BORCS5: variants seen among roughly 807,000 people sequenced by gnomAD.
BORCS5 encodes the protein BLOC-1-related complex subunit 5.
A neutral mutation model predicts 22.1 loss-of-function variants in BORCS5; 17 were observed. The ratio of observed to expected loss-of-function variants is 0.77; its 90% CI spans 0.53 to 1.15. The LOEUF (loss-of-function observed/expected upper bound fraction) is 1.15, where lower values mean the gene tolerates loss of function less well. BORCS5 is among the 50% of genes most tolerant of loss of function. The pLI is 0.00. For missense variants in BORCS5, 247 were observed against 253.2 expected, an observed-to-expected ratio of 0.98 and a Z score of 0.17; for synonymous variants, 117 against 99.8, an observed-to-expected ratio of 1.17 and a Z score of -1.03.
chr12:12,386,525 C>G (rs1194823633), intron 2 of BORCS5, among the ~76,000 whole-genome samples: 2 of 148,666 alleles, frequency 1.3e-5, no homozygotes, highest in Non-Finnish European at 3.0e-5. Context: ...CTCCCAGGCT[C>G]TAGTGCAGTG....
intron 1 of BORCS5, among the ~76,000 whole-genome samples, chr12:12,360,236 C>T (rs1006602753): frequency 6.6e-6 from 1 of 152,042 alleles, no homozygotes; most frequent in Non-Finnish European, 1.5e-5. Flanking sequence ...GTGGTGCATG[C>T]CTGTTGTCCT....
In BORCS5 at chr12:12,465,561, G is replaced by A. The variant is rs1234165651; in HGVS notation, c.376G>A (p.Glu126Lys). ...KRIKEMDLSV[E>K]TLFSFMQERQ... Reference sequence around the variant, plus strand: ...CCATCCACAGATGGATCTGTCTGTAGAAACTCTGTTCAGCTTCATGCAGGA... The same window carrying A: ...CCATCCACAGATGGATCTGTCTGTAAAAACTCTGTTCAGCTTCATGCAGGA... The change falls in exon 4 of 4, where the codon GAA becomes AAA. Residue 126 changes from glutamate to lysine, a missense_variant. By Grantham distance (56) the Glu-to-Lys change is moderately conservative (BLOSUM62 1). Transcript: ENST00000314565. The A allele has an allele frequency of 1.2e-6, 2 of 1,614,096 alleles. No individual in the cohort carries two copies. Among genetic ancestry groups the A allele is most frequent in the Non-Finnish European group, 1.7e-6 (2 of 1,180,038 alleles).
intron 3 of BORCS5, among the ~76,000 whole-genome samples, chr12:12,448,605 T>C (rs1361981665): frequency 2.6e-5 from 4 of 151,198 alleles, no homozygotes; most frequent in African/African-American, 9.7e-5. Context: ...CTCGGCTAAC[T>C]GCAGCCTTTG....
chr12:12,427,172 CTTTTTTT>C (rs869191667), intron 2 of BORCS5, among the ~76,000 whole-genome samples: 24 of 84,460 alleles, frequency 2.8e-4, no homozygotes, highest in East Asian at 2.1e-3. Context: ...TCTTTCTTTT[CTTTTTTT>C]TTTTTTTTTT....
chr12:12,470,679 T>TTG lies in BORCS5; in HGVS notation c.*4904_*4905insGT. Reference sequence around the variant, plus strand: ...AATAACATTGAATTTCATGTGGGTTTTTTTTTTTTGACACACCAGGCATGT... The same window carrying TTG: ...AATAACATTGAATTTCATGTGGGTTTTGTTTTTTTTTGACACACCAGGCATGT... On this transcript the variant is annotated 3_prime_UTR_variant, in exon 4 of 4. Coordinates refer to ENST00000314565, the MANE Select transcript of BORCS5 (RefSeq NM_058169.6). 6.6e-6 allele frequency among the ~76,000 whole-genome samples: 1 copy of TTG among 151,094 alleles called. No homozygotes were observed. Among genetic ancestry groups the TTG allele is most frequent in the South Asian group, 2.1e-4 (1 of 4,766 alleles).
At chr12:12,452,561 C>A (rs1386667003) in intron 3 of BORCS5, 2 of 346,292 alleles carry the variant, frequency 5.8e-6, no homozygotes, top group South Asian at 2.3e-5. Context: ...GTGATCTTGC[C>A]GGCGATCCTT....
chr12:12,413,803 C>T (rs1473102653), intron 2 of BORCS5, among the ~76,000 whole-genome samples: 4 of 77,012 alleles, frequency 5.2e-5, no homozygotes, highest in East Asian at 2.5e-4. Context: ...GCGCCCCTCA[C>T]CTCCCGGACG....
At chr12:12,367,019 T>C (rs1863420804) in intron 2 of BORCS5, among the ~76,000 whole-genome samples, 1 of 152,156 alleles carries the variant, frequency 6.6e-6, no homozygotes, top group African/African-American at 2.4e-5. Context: ...GGGAGTTTGG[T>C]GTTTGGTTGT....
intron 2 of BORCS5, among the ~76,000 whole-genome samples, chr12:12,413,476 A>G (rs1326061193): frequency 3.3e-5 from 5 of 150,044 alleles, no homozygotes; most frequent in Non-Finnish European, 7.4e-5. Flanking sequence ...TCCCATGTCT[A>G]CCTCCATCCA....
intron 1 of BORCS5, among the ~76,000 whole-genome samples, chr12:12,358,566 A>G (rs972056756): frequency 7.2e-5 from 11 of 152,230 alleles, no homozygotes; most frequent in African/African-American, 2.2e-4. Context: ...GGGCAGAAAC[A>G]TATTTTAGGG....
intron 3 of BORCS5, among the ~76,000 whole-genome samples, chr12:12,454,695 T>A (rs1207260225): frequency 2.6e-5 from 4 of 152,212 alleles, no homozygotes; most frequent in African/African-American, 9.6e-5. Context: ...TTTACTACCA[T>A]GAAAAACAGA....
intron 2 of BORCS5, among the ~76,000 whole-genome samples, chr12:12,428,239 G>A (rs73061486): frequency 0.012 from 1,872 of 152,220 alleles, 25 homozygotes; most frequent in Middle Eastern, 0.017. Context: ...AGAAACTGTG[G>A]GTTTCCCCCC....
At chr12:12,436,119 G>A (rs907268140) in intron 3 of BORCS5, among the ~76,000 whole-genome samples, 9 of 152,162 alleles carry the variant, frequency 5.9e-5, no homozygotes, top group Admixed American at 2.0e-4. Flanking sequence ...GTAAAGTCCT[G>A]CCATACTAAT....
At chr12:12,359,204 G>C (rs112699828) in intron 1 of BORCS5, among the ~76,000 whole-genome samples, 1 of 151,966 alleles carries the variant, frequency 6.6e-6, no homozygotes, top group South Asian at 2.1e-4. Context: ...TCTGATTTTT[G>C]CCTCAGCCTA....
At chr12:12,384,192 G>A (rs528273772) in intron 2 of BORCS5, among the ~76,000 whole-genome samples, 4 of 150,756 alleles carry the variant, frequency 2.7e-5, no homozygotes, top group African/African-American at 7.3e-5. Flanking sequence ...TATGTTGCCC[G>A]GCTGGTCTCA....
intron 3 of BORCS5, among the ~76,000 whole-genome samples, chr12:12,462,518 C>T (rs1057092235): frequency 3.9e-5 from 6 of 152,052 alleles, no homozygotes; most frequent in Non-Finnish European, 8.8e-5. Flanking sequence ...CAATCTTAAC[C>T]GTTGTTTTAT....
intron 2 of BORCS5, among the ~76,000 whole-genome samples, chr12:12,423,785 C>T (rs1452481765): frequency 6.6e-6 from 1 of 152,028 alleles, no homozygotes; most frequent in African/African-American, 2.4e-5. Context: ...GCATCCCAGG[C>T]TCAGATGATC....
At chr12:12,417,523 T>C (rs957562454) in intron 2 of BORCS5, among the ~76,000 whole-genome samples, 1 of 152,194 alleles carries the variant, frequency 6.6e-6, no homozygotes, top group African/African-American at 2.4e-5. Flanking sequence ...ATCTTCTGTT[T>C]GGTGGTTCTA....
intron 2 of BORCS5, among the ~76,000 whole-genome samples, chr12:12,383,252 A>G (rs1230188459): frequency 6.6e-6 from 1 of 151,334 alleles, no homozygotes; most frequent in Non-Finnish European, 1.5e-5. Context: ...CTGGTAAAAT[A>G]TATATGCTTT....
Sources: allele counts gnomAD v4.1 joint callset (sites outside exome capture counted in the v4.1 genomes callset), GRCh38; gene constraint gnomAD v4.1.1; transcripts MANE v1.5; gene names NCBI Gene and HGNC (gene_info 2026-07-23, HGNC 2026-07-21).